Variants in ECSCR observed in about 807,000 individuals in gnomAD.
ECSCR encodes the protein endothelial cell surface expressed chemotaxis and apoptosis regulator.
ECSCR carries 12 observed loss-of-function variants against 16.7 expected under a neutral mutation model. The observed-to-expected ratio is 0.72, with a 90% confidence interval of 0.46 to 1.17. ECSCR has a LOEUF of 1.17. Ranked by LOEUF, ECSCR falls within the 50% of genes most tolerant of loss-of-function variation. The probability of loss-of-function intolerance (pLI) is 0.00; values close to 1 mark genes in which losing one functional copy is unlikely to be tolerated. For missense variants in ECSCR, 122 were observed against 116.1 expected (o/e 1.05, Z -0.23); for synonymous variants, 44 against 42.2 (o/e 1.04, Z -0.17).
chr5:139,458,021 CCG>C (rs1256971134), intron 2 of ECSCR, 116 bp downstream of exon 2: 3 of 1,258,664 alleles, frequency 2.4e-6, no homozygotes, highest in Non-Finnish European at 3.4e-6. Flanking sequence ...CTGAGAGCTC[CCG>C]CTCCAGCTGC....
In ECSCR at chr5:139,454,620, C is replaced by T; in HGVS notation, c.494G>A (p.Ser165Asn). The T allele has an allele frequency of 2.5e-6, 1 of 398,242 alleles. No homozygotes were observed. Among genetic ancestry groups the T allele is most frequent in the Non-Finnish European group, 4.4e-6 (1 of 225,922 alleles). The allele number at this position is 398,242 out of a possible 1,614,324, so 24.7% of individuals were successfully genotyped here. A position where few individuals can be genotyped will look rare whatever the true frequency, so the allele number is the denominator to read the frequency against. The change falls in exon 8 of 10, where the codon AGT (serine) becomes AAT (asparagine). Residue 165 changes from serine (S) to asparagine (N), a missense_variant. Physicochemically the swap from Ser to Asn is conservative, Grantham distance 46. Coordinates refer to ENST00000618155, the MANE Select transcript of ECSCR (RefSeq NM_001077693.4). ...KESEDPQKPGSSGLSESCSTA... is the reference protein window; with the variant it reads ...KESEDPQKPGNSGLSESCSTA... ...GTCTTACCTTTCAGACAGCCCTGAA[C>T]TCCCAGGTTTCTGGGGATCTGTAAA...
chr5:139,460,197 G>A (rs534846992), intron 1 of ECSCR, among the ~76,000 whole-genome samples: 1 of 151,676 alleles, frequency 6.6e-6, no homozygotes, highest in Admixed American at 6.6e-5. Context: ...GTGCAGTGGC[G>A]CGATCTCAGC....
intron 1 of ECSCR, 142 bp from the exon 2 acceptor site, chr5:139,458,325 G>GTTTT: frequency 4.9e-5 from 27 of 546,664 alleles, no homozygotes; most frequent in Non-Finnish European, 6.3e-5. Context: ...GTTTTGTTTT[G>GTTTT]TTTTTTTTTT....
chr5:139,460,638 A>T (rs534776103), intron 1 of ECSCR, among the ~76,000 whole-genome samples: 1 of 152,230 alleles, frequency 6.6e-6, no homozygotes, highest in African/African-American at 2.4e-5. Context: ...TGTCACCAAC[A>T]AAGATTTCTC....
rs561747287 is a variant in ECSCR, at chr5:139,449,193, C to A, written c.513-19G>T. The A allele has an allele frequency of 6.5e-7, 1 of 1,531,498 alleles. No homozygotes were observed. The highest frequency in any genetic ancestry group is 8.8e-7 in the Non-Finnish European group (1 of 1,141,872). The allele number at this position is 1,531,498 out of a possible 1,614,324, so 94.9% of individuals were successfully genotyped here. A position where few individuals can be genotyped will look rare whatever the true frequency, so the allele number is the denominator to read the frequency against. ...GGAGCAGCTGGGGGAGGAAGGGGGT[C>A]TGGGTTAAAGAGAGGAGGAGGGCAG... On this transcript the variant is annotated intron_variant, in intron 8 of 9. Transcript: ENST00000618155.
At chr5:139,457,910 C>T in intron 2 of ECSCR, 103 bp from the exon 3 acceptor site, 3 of 1,328,648 alleles carry the variant, frequency 2.3e-6, no homozygotes, top group East Asian at 2.5e-5. Context: ...CCCCATCCCC[C>T]ACCCCTCATT....
In ECSCR at chr5:139,455,412, T is replaced by C. The variant is rs1182443490; in HGVS notation, c.287A>G (p.Asn96Ser). The change falls in exon 6 of 10, where the codon AAT becomes AGT. Residue 96 changes from asparagine to serine, a missense_variant. Coordinates refer to ENST00000618155, the MANE Select transcript of ECSCR (RefSeq NM_001077693.4). ...CATGCTCAGGCTCATGGTGGTTGAA[T>C]TGGGGGGAACAGTTTGAAATGTGTC... ...SRDTFQTVPPNSTTMSLSMRE... is the reference protein window; with the variant it reads ...SRDTFQTVPPSSTTMSLSMRE... The C allele has an allele frequency of 7.5e-6, 3 of 398,398 alleles. No individual in the cohort carries two copies. The highest frequency in any genetic ancestry group is 2.1e-5 in the African/African-American group (1 of 48,582). 24.7% of individuals were successfully genotyped at this position (398,398 alleles called of 1,614,324 possible).
chr5:139,461,643 G>T (rs746705519), intron 1 of ECSCR, among the ~76,000 whole-genome samples: 1 of 152,164 alleles, frequency 6.6e-6, no homozygotes, highest in African/African-American at 2.4e-5. Context: ...TGTCATGGAG[G>T]GGGTAGGAGG....
At chr5:139,450,523 A>G (rs1372931141) in intron 8 of ECSCR, among the ~76,000 whole-genome samples, 2 of 147,892 alleles carry the variant, frequency 1.4e-5, no homozygotes, top group African/African-American at 5.0e-5. Context: ...CATGCCTGTA[A>G]TCCCAGCGCT....
chr5:139,449,451 C>A (rs1358051474), intron 8 of ECSCR, among the ~76,000 whole-genome samples: 1 of 152,134 alleles, frequency 6.6e-6, no homozygotes, highest in Admixed American at 6.5e-5. Context: ...GATTCTCCTG[C>A]CTCAGCCTCC....
At chr5:139,460,400 G>T (rs997356077) in intron 1 of ECSCR, among the ~76,000 whole-genome samples, 4 of 152,174 alleles carry the variant, frequency 2.6e-5, no homozygotes, top group African/African-American at 4.8e-5. Flanking sequence ...CATCCTAAAT[G>T]CTGGGATCAC....
intron 8 of ECSCR, among the ~76,000 whole-genome samples, chr5:139,451,452 G>A (rs911052468): frequency 2.0e-5 from 3 of 148,124 alleles, no homozygotes; most frequent in Non-Finnish European, 4.5e-5. Flanking sequence ...TATGTGTGTA[G>A]TATGAGGTAC....
chr5:139,450,668 C>T (rs796141130), intron 8 of ECSCR, among the ~76,000 whole-genome samples: 1 of 149,704 alleles, frequency 6.7e-6, no homozygotes, highest in Admixed American at 6.7e-5. Context: ...CCCAGCTACT[C>T]GGGAGGCTGA....
Position 139,448,716 on chromosome 5 carries a change from CT to C in ECSCR, c.*183del. 8 of 1,429,010 alleles carry C rather than the reference CT, an allele frequency of 5.6e-6. No individual in the cohort carries two copies. Among genetic ancestry groups the C allele is most frequent in the Non-Finnish European group, 7.3e-6 (8 of 1,096,854 alleles). The allele number at this position is 1,429,010 out of a possible 1,614,324, so 88.5% of individuals were successfully genotyped here. On this transcript the variant is annotated 3_prime_UTR_variant, in exon 10 of 10. Coordinates refer to ENST00000618155, the MANE Select transcript of ECSCR (RefSeq NM_001077693.4). ...AGCAGCTGTCCATACAGGAAAGAGTCTCCCCTGTTGGTAGCTTGCTCCCAGA... is the reference window on the plus strand; with the variant it reads ...AGCAGCTGTCCATACAGGAAAGAGTCCCCCTGTTGGTAGCTTGCTCCCAGA...
Position 139,450,441 on chromosome 5 carries a change from T to C in ECSCR, c.513-1267A>G, listed in dbSNP as rs577996078. On this transcript the variant is annotated intron_variant, in intron 8 of 9. Transcript: ENST00000618155. ...ATCATTTGAGCCCTGTTGGCATCAC[T>C]GCACTCCAGCCTGGGCAACAGAGCA... 3.5e-5 allele frequency among the ~76,000 whole-genome samples: 5 copies of C among 143,204 alleles called. No individual in the cohort carries two copies. The South Asian group carries it at 1.1e-3, about 32-fold the overall frequency. 93.9% of individuals were successfully genotyped at this position (143,204 alleles called of 152,430 possible). A position where few individuals can be genotyped will look rare whatever the true frequency, so the allele number is the denominator to read the frequency against.
rs992918654 is a variant in ECSCR at position 139,448,802 on chromosome 5, T to C, written c.*98A>G. ...GCAGACATGAAACAATAAAATAATTTACATGTGGTTCATTGCCTCTACTAA... is the reference window on the plus strand; with the variant it reads ...GCAGACATGAAACAATAAAATAATTCACATGTGGTTCATTGCCTCTACTAA... On this transcript the variant is annotated 3_prime_UTR_variant, in exon 10 of 10. Coordinates refer to ENST00000618155, the MANE Select transcript of ECSCR (RefSeq NM_001077693.4). The C allele has an allele frequency of 2.5e-5, 38 of 1,514,682 alleles. No individual in the cohort carries two copies. The highest frequency in any genetic ancestry group is 1.5e-4 in the Admixed American group (7 of 45,582). 93.8% of individuals were successfully genotyped at this position (1,514,682 alleles called of 1,614,324 possible).
At chr5:139,461,332 CTGG>C (rs1751299439) in intron 1 of ECSCR, among the ~76,000 whole-genome samples, 1 of 152,174 alleles carries the variant, frequency 6.6e-6, no homozygotes, top group Non-Finnish European at 1.5e-5. Context: ...TGCCCTGCCT[CTGG>C]GTATCCGTAG....
intron 3 of ECSCR, 75 bp downstream of exon 3, chr5:139,457,682 C>A (rs372563815): frequency 3.9e-6 from 6 of 1,555,438 alleles, no homozygotes; most frequent in East Asian, 4.5e-5. Flanking sequence ...CACCCAAGAA[C>A]CCCTGGGCTC....
In ECSCR at chr5:139,457,618, G is replaced by A. The variant is rs745914586; in HGVS notation, c.158-14C>T. 5 of 945,228 alleles carry A rather than the reference G, an allele frequency of 5.3e-6. No homozygotes were observed. The highest frequency in any genetic ancestry group is 5.3e-6 in the Non-Finnish European group (3 of 568,546). 58.6% of individuals were successfully genotyped at this position (945,228 alleles called of 1,614,324 possible). A position where few individuals can be genotyped will look rare whatever the true frequency, so the allele number is the denominator to read the frequency against. The stretch of plus-strand genomic sequence containing the variant: ...AAGGGATGTATCCTGCAAGGACAGA[G>A]GCAGATAGGGAGTGGGAGGTGGGGT... On this transcript the variant is annotated splice_polypyrimidine_tract_variant and intron_variant, in intron 3 of 9. Coordinates refer to ENST00000618155, the MANE Select transcript of ECSCR (RefSeq NM_001077693.4).
Sources: gnomAD v4.1 joint callset for allele counts (sites outside exome capture counted in the v4.1 genomes callset) on GRCh38, gnomAD v4.1.1 for gene constraint, MANE v1.5 for transcripts, NCBI Gene and HGNC (gene_info 2026-07-23, HGNC 2026-07-21) for gene names.